Variants in PPP3CC observed in about 807,000 individuals in gnomAD.
PPP3CC encodes the protein protein phosphatase 3 catalytic subunit gamma, also known as serine/threonine-protein phosphatase 2B catalytic subunit gamma isoform.
A neutral mutation model predicts 60.3 loss-of-function variants in PPP3CC; 35 were observed. That is an observed-to-expected ratio of 0.58 (90% CI 0.44 to 0.77). The LOEUF is 0.77. Ranked by LOEUF, PPP3CC falls within the 30% of genes least tolerant of loss-of-function variation. The pLI is 0.00. For synonymous variants in PPP3CC, 206 were observed against 224.3 expected (o/e 0.92, Z 0.73); for missense variants, 570 against 628.9 (o/e 0.91, Z 1.00).
rs780359106 is a variant in PPP3CC, at chr8:22,540,712, C to T, written c.1449C>T (p.Ser483=). The change falls in exon 14 of 14, where the codon AGC becomes AGT. Residue 483 remains serine (S), a synonymous_variant. Transcript: ENST00000240139. ...INERMPPRKD[S]IHAGGPMKSV... ...AGCGAATGCCACCCCGAAAGGATAG[C>T]ATACACGCTGGTGGGCCAATGAAAT... 10 of 1,614,054 alleles carry T rather than the reference C, an allele frequency of 6.2e-6. No individual in the cohort carries two copies. In the Admixed American group the frequency reaches 1.5e-4, roughly 24 times the overall value.
At chr8:22,528,421 A>T in intron 9 of PPP3CC, 85 bp from the exon 10 acceptor site, 1 of 831,464 alleles carries the variant, frequency 1.2e-6, no homozygotes, top group Non-Finnish European at 1.8e-6. Flanking sequence ...CTTACTTAAC[A>T]TGTGTGTTTA....
chr8:22,466,336 C>G (rs1837521960), intron 1 of PPP3CC, among the ~76,000 whole-genome samples: 1 of 152,154 alleles, frequency 6.6e-6, no homozygotes, highest in African/African-American at 2.4e-5. Flanking sequence ...ATTTATAATC[C>G]TTTGAGTATA....
At chr8:22,528,421 A>C (rs552776465) in intron 9 of PPP3CC, 85 bp from the exon 10 acceptor site, 1 of 831,346 alleles carries the variant, frequency 1.2e-6, no homozygotes, top group African/African-American at 1.8e-5. Flanking sequence ...CTTACTTAAC[A>C]TGTGTGTTTA....
At chr8:22,489,265 A>G (rs1838309177) in intron 3 of PPP3CC, among the ~76,000 whole-genome samples, 1 of 151,948 alleles carries the variant, frequency 6.6e-6, no homozygotes, top group Non-Finnish European at 1.5e-5. Flanking sequence ...GGAGGTGGGA[A>G]AGTCTCAGTT....
At chr8:22,464,498 G>T (rs1307918427) in intron 1 of PPP3CC, among the ~76,000 whole-genome samples, 1 of 152,132 alleles carries the variant, frequency 6.6e-6, no homozygotes, top group Non-Finnish European at 1.5e-5. Context: ...TCCTGCCTCA[G>T]CCTCCTGAGC....
chr8:22,460,278 A>G (rs150600972), intron 1 of PPP3CC, among the ~76,000 whole-genome samples: 26 of 152,320 alleles, frequency 1.7e-4, no homozygotes, highest in Non-Finnish European at 2.5e-4. Flanking sequence ...GTTTACAATC[A>G]ATACTTGATA....
chr8:22,522,290 C>T (rs1260589654), intron 6 of PPP3CC, among the ~76,000 whole-genome samples: 1 of 151,970 alleles, frequency 6.6e-6, no homozygotes, highest in African/African-American at 2.4e-5. Flanking sequence ...CTATTGTTTT[C>T]ATGTTTGATC....
chr8:22,512,500 G>A (rs1839116180), intron 5 of PPP3CC, among the ~76,000 whole-genome samples: 1 of 152,012 alleles, frequency 6.6e-6, no homozygotes, highest in Non-Finnish European at 1.5e-5. Flanking sequence ...GCATAGACTG[G>A]AAAGGATAAA....
intron 4 of PPP3CC, 161 bp from the exon 5 acceptor site, chr8:22,510,925 T>C: frequency 1.4e-6 from 1 of 716,184 alleles, no homozygotes; most frequent in Non-Finnish European, 2.2e-6. Context: ...TGTTAACCTA[T>C]TATCCACAAC....
Position 22,528,508 on chromosome 8 carries a change from A to G in PPP3CC, c.1072A>G (p.Thr358Ala). 6.5e-7 allele frequency: 1 copy of G among 1,535,010 alleles called. No homozygotes were observed. The highest frequency in any genetic ancestry group is 8.8e-7 in the Non-Finnish European group (1 of 1,134,392). ...TTGGATTATTTTGTCTTACTTAGTCACAGAGATGCTGGTAAATGTGCTCAA... is the reference window on the plus strand; with the variant it reads ...TTGGATTATTTTGTCTTACTTAGTCGCAGAGATGCTGGTAAATGTGCTCAA... ...WSLPFVGEKVTEMLVNVLNIC... is the reference protein window; with the variant it reads ...WSLPFVGEKVAEMLVNVLNIC... Residue 358 changes from threonine (T) to alanine (A), a missense_variant and splice_region_variant, in exon 10 of 14, where the codon ACA becomes GCA. Thr to Ala is a moderately conservative substitution (Grantham distance 58). Coordinates refer to ENST00000240139, the MANE Select transcript of PPP3CC (RefSeq NM_005605.5).
intron 3 of PPP3CC, among the ~76,000 whole-genome samples, chr8:22,485,333 C>G (rs1838193617): frequency 6.6e-6 from 1 of 152,128 alleles, no homozygotes; most frequent in Non-Finnish European, 1.5e-5. Flanking sequence ...AGAGAGATCC[C>G]AAGGCCTCAA....
chr8:22,466,994 A>G (rs117020272), intron 1 of PPP3CC, among the ~76,000 whole-genome samples: 1,793 of 152,230 alleles, frequency 0.012, 31 homozygotes, highest in East Asian at 0.085. Context: ...AGTCTCCCCA[A>G]CTTGGATTCC....
intron 4 of PPP3CC, among the ~76,000 whole-genome samples, chr8:22,509,056 A>G (rs1839007108): frequency 6.6e-6 from 1 of 152,322 alleles, no homozygotes; most frequent in African/African-American, 2.4e-5. Flanking sequence ...AATGAACTCA[A>G]ACCCTAATCA....
At position 22,531,412 on chromosome 8, in the gene PPP3CC, G is replaced by A. The variant is rs2117145490; in HGVS notation, c.1142-813G>A. On this transcript the variant is annotated intron_variant, in intron 10 of 13. Coordinates refer to ENST00000240139, the MANE Select transcript of PPP3CC (RefSeq NM_005605.5). The stretch of plus-strand genomic sequence containing the variant: ...TTGGTTAGACTTAAAATTGGTAGTT[G>A]AATAATTTCAGAAAGGCTCTCCATC... The A allele has an allele frequency of 2.2e-6, 3 of 1,356,002 alleles. No individual in the cohort carries two copies. The East Asian group carries it at 7.5e-5, about 34-fold the overall frequency. 84.0% of individuals were successfully genotyped at this position (1,356,002 alleles called of 1,614,324 possible). A position where few individuals can be genotyped will look rare whatever the true frequency, so the allele number is the denominator to read the frequency against.
chr8:22,443,219 AAAGTT>A (rs1836725690), intron 1 of PPP3CC, among the ~76,000 whole-genome samples: 1 of 152,196 alleles, frequency 6.6e-6, no homozygotes, highest in Non-Finnish European at 1.5e-5. Flanking sequence ...ATAAAATAAA[AAAGTT>A]AAAATGCAGG....
At position 22,461,134 on chromosome 8, in the gene PPP3CC, G is replaced by A. The variant is rs188796447; in HGVS notation, c.50-13820G>A. Among the ~76,000 whole-genome samples, 23 of 152,208 alleles carry A rather than the reference G, an allele frequency of 1.5e-4. No individual in the cohort carries two copies. In the East Asian group the frequency reaches 3.7e-3, roughly 24 times the overall value. The stretch of plus-strand genomic sequence containing the variant: ...GCTAGGATTACAGGCGTGAGCCACC[G>A]CACCCAGCTGAAAATCTTTACTTTA... On this transcript the variant is annotated intron_variant, in intron 1 of 13. Transcript: ENST00000240139.
chr8:22,471,310 T>G (rs1295201909), intron 1 of PPP3CC, among the ~76,000 whole-genome samples: 1 of 150,042 alleles, frequency 6.7e-6, no homozygotes, highest in Non-Finnish European at 1.5e-5. Context: ...AGACTGAGTC[T>G]GTGTCACCTA....
intron 3 of PPP3CC, among the ~76,000 whole-genome samples, chr8:22,484,657 A>G (rs1328801536): frequency 6.6e-6 from 1 of 152,266 alleles, no homozygotes; most frequent in Non-Finnish European, 1.5e-5. Context: ...AGGTCTGTTC[A>G]GTATTTTATT....
chr8:22,475,559 T>A lies in PPP3CC; in HGVS notation c.307T>A (p.Ser103Thr), dbSNP rs1208095509. ...DLMKLFEVGGSPSNTRYLFLG... is the reference protein window; with the variant it reads ...DLMKLFEVGGTPSNTRYLFLG... ...AATGAAGTTATTTGAAGTTGGAGGA[T>A]CACCTAGTAACACACGCTACCTCTT... is the stretch of plus-strand genomic sequence containing the variant. The change falls in exon 3 of 14, where the codon TCA becomes ACA. Residue 103 changes from serine to threonine, a missense_variant. Ser to Thr is a moderately conservative substitution (Grantham distance 58, BLOSUM62 1). Transcript: ENST00000240139. 1.9e-6 allele frequency: 3 copies of A among 1,611,844 alleles called. No individual in the cohort carries two copies. The African/African-American group carries it at 4.0e-5, about 22-fold the overall frequency.
Sources: gnomAD v4.1 joint callset for allele counts (sites outside exome capture counted in the v4.1 genomes callset) on GRCh38, gnomAD v4.1.1 for gene constraint, MANE v1.5 for transcripts, NCBI Gene and HGNC (gene_info 2026-07-23, HGNC 2026-07-21) for gene names.